SLC6A4: variants seen among roughly 807,000 people sequenced by gnomAD.
The protein encoded by SLC6A4 is sodium-dependent serotonin transporter.
In SLC6A4, 22 loss-of-function variants were observed where a neutral mutation model predicts 73.4. The observed-to-expected ratio is 0.30, with a 90% CI of 0.21 to 0.43. SLC6A4 has a LOEUF of 0.43. Among genes scored for constraint, SLC6A4 ranks in the 20% least tolerant of loss-of-function variants. The pLI, the probability that SLC6A4 is intolerant of heterozygous loss-of-function variation, is 1.00. For missense variants in SLC6A4, 593 were observed against 808.5 expected, an observed-to-expected ratio of 0.73 and a Z score of 3.23; for synonymous variants, 270 against 315.5, an observed-to-expected ratio of 0.86 and a Z score of 1.53.
Position 30,217,311 on chromosome 17 carries a change from T to G in SLC6A4, c.699-7A>C. 1 of 1,612,122 alleles carries G rather than the reference T, an allele frequency of 6.2e-7. No individual in the cohort carries two copies. The highest frequency in any genetic ancestry group is 8.5e-7 in the Non-Finnish European group (1 of 1,179,294). On this transcript the variant is annotated splice_region_variant and splice_polypyrimidine_tract_variant and intron_variant, in intron 5 of 14. Coordinates refer to ENST00000650711, the MANE Select transcript of SLC6A4 (RefSeq NM_001045.6). ...GATCTGCAGGACGTGGCGCCTGGGG[T>G]GAAGGAGAAAGAAAGGCCCCTGAGA... is the stretch of plus-strand genomic sequence containing the variant.
At chr17:30,231,500 G>A (rs762730868) in intron 1 of SLC6A4, among the ~76,000 whole-genome samples, 2 of 151,074 alleles carry the variant, frequency 1.3e-5, no homozygotes, top group Non-Finnish European at 2.9e-5. Context: ...ATATCTGTAT[G>A]TATACATACA....
chr17:30,233,370 C>A (rs1461777251), intron 1 of SLC6A4, among the ~76,000 whole-genome samples: 1 of 152,068 alleles, frequency 6.6e-6, no homozygotes, highest in Non-Finnish European at 1.5e-5. Flanking sequence ...GTTATTGGGC[C>A]CCTGTTGGTT....
At chr17:30,219,897 G>A (rs1485059769) in intron 3 of SLC6A4, among the ~76,000 whole-genome samples, 4 of 152,284 alleles carry the variant, frequency 2.6e-5, no homozygotes, top group Middle Eastern at 3.4e-3. Flanking sequence ...GGGTAAACCC[G>A]GCTCGAGAAT....
intron 13 of SLC6A4, among the ~76,000 whole-genome samples, chr17:30,204,776 TC>T: frequency 6.6e-6 from 1 of 152,144 alleles, no homozygotes; most frequent in South Asian, 2.1e-4. Context: ...CAGATTTGCC[TC>T]TCTCAGGCAC....
Position 30,212,778 on chromosome 17 carries a change from A to G in SLC6A4, c.1166T>C (p.Met389Thr). 6.2e-7 allele frequency: 1 copy of G among 1,614,124 alleles called. No individual in the cohort carries two copies. Among genetic ancestry groups the G allele is most frequent in the Non-Finnish European group, 8.5e-7 (1 of 1,180,016 alleles). Residue 389 changes from methionine (M) to threonine (T), a missense_variant, in exon 9 of 15, where the codon ATG becomes ACG. Coordinates refer to ENST00000650711, the MANE Select transcript of SLC6A4 (RefSeq NM_001045.6). ...CACCTCAGACACATCTTCATTCCTC[A>G]TCTCAGCCATGTAACCGAGCACTGT... is the stretch of plus-strand genomic sequence containing the variant. The part of the protein sequence containing the change: ...IFTVLGYMAE[M>T]RNEDVSEVAK...
intron 14 of SLC6A4, among the ~76,000 whole-genome samples, chr17:30,199,880 G>A (rs1905978702): frequency 6.6e-6 from 1 of 151,882 alleles, no homozygotes; most frequent in Admixed American, 6.6e-5. Flanking sequence ...GAACTAGACA[G>A]AGATCACTAT....
At chr17:30,202,425 G>A (rs142109889) in intron 14 of SLC6A4, among the ~76,000 whole-genome samples, 125 of 152,208 alleles carry the variant, frequency 8.2e-4, no homozygotes, top group Non-Finnish European at 1.5e-3. Context: ...GTGCCCAGCC[G>A]GAAATAAGGA....
At chr17:30,225,908 G>T (rs761186900) in intron 1 of SLC6A4, among the ~76,000 whole-genome samples, 1 of 152,138 alleles carries the variant, frequency 6.6e-6, no homozygotes, top group African/African-American at 2.4e-5. Context: ...ACTTCTGATC[G>T]AATCTCCATT....
At chr17:30,208,684 T>G (rs1233840498) in intron 12 of SLC6A4, among the ~76,000 whole-genome samples, 1 of 152,076 alleles carries the variant, frequency 6.6e-6, no homozygotes, top group Non-Finnish European at 1.5e-5. Flanking sequence ...TTATTTTTGT[T>G]TGTTTTTGGG....
Position 30,212,863 on chromosome 17 carries a change from C to T in SLC6A4, c.1081G>A (p.Ala361Thr). ...NKFNNNCYQD[A>T]LVTSVVNCMT... ...CAGTTCACCACGCTGGTCACCAGGG[C>T]ATCTCTGGAGGGGAAAACCCAAGGG... The change falls in exon 9 of 15, where the codon GCC becomes ACC. Residue 361 changes from alanine (A) to threonine (T), a missense_variant. Coordinates refer to ENST00000650711, the MANE Select transcript of SLC6A4 (RefSeq NM_001045.6). The T allele has an allele frequency of 1.9e-6, 3 of 1,614,098 alleles. No individual in the cohort carries two copies. The highest frequency in any genetic ancestry group is 2.5e-6 in the Non-Finnish European group (3 of 1,179,998).
intron 1 of SLC6A4, among the ~76,000 whole-genome samples, chr17:30,224,202 C>G (rs1169298147): frequency 6.6e-6 from 1 of 151,996 alleles, no homozygotes; most frequent in South Asian, 2.1e-4. Context: ...CCTTGCTCTT[C>G]CTCCCACTGG....
intron 14 of SLC6A4, 61 bp from the exon 15 acceptor site, chr17:30,198,591 A>T: frequency 1.1e-6 from 1 of 913,394 alleles, no homozygotes; most frequent in Non-Finnish European, 1.8e-6. Context: ...TTGCAAAAAT[A>T]GTCAACATTA....
In SLC6A4 at chr17:30,211,377, G is replaced by A; in HGVS notation, c.1252C>T (p.Pro418Ser). The change falls in exon 10 of 15, where the codon CCA (proline) becomes TCA (serine). Residue 418 changes from proline to serine, a missense_variant. Physicochemically the swap from Pro to Ser is moderately conservative, Grantham distance 74. Coordinates refer to ENST00000650711, the MANE Select transcript of SLC6A4 (RefSeq NM_001045.6). This position sits in a 1 kb window ranked among gnomAD's most constrained non-coding sequence, Gnocchi z 4.0. ...ITYAEAIANM[P>S]ASTFFAIIFF... ...ATGATGGCAAAGAAAGTGGACGCTG[G>A]CATGTTGGCTATCGCTTCTGCATAC... The A allele has an allele frequency of 6.2e-7, 1 of 1,613,786 alleles. No individual in the cohort carries two copies. Among genetic ancestry groups the A allele is most frequent in the Non-Finnish European group, 8.5e-7 (1 of 1,179,756 alleles).
intron 11 of SLC6A4, among the ~76,000 whole-genome samples, chr17:30,210,066 A>T (rs1254652991): frequency 6.7e-6 from 1 of 150,214 alleles, no homozygotes; most frequent in African/African-American, 2.5e-5. Flanking sequence ...TAGAGTATTT[A>T]CTTCAGCTAC....
At position 30,230,099 on chromosome 17, in the gene SLC6A4, G is replaced by A. The variant is rs1453965987; in HGVS notation, c.-221+5514C>T. On this transcript the variant is annotated intron_variant, in intron 1 of 14. Transcript: ENST00000650711. The stretch of plus-strand genomic sequence containing the variant: ...AGAAGAAGAAGAAGAAGAAGAAGAG[G>A]AGGAAGAGGAAGAGGAAGAGGAAGA... 3.6e-4 allele frequency among the ~76,000 whole-genome samples: 34 copies of A among 93,912 alleles called. No individual in the cohort carries two copies. In the East Asian group the frequency reaches 7.9e-3, roughly 22 times the overall value. 61.6% of individuals were successfully genotyped at this position (93,912 alleles called of 152,430 possible).
At chr17:30,212,216 A>G (rs980844214) in intron 9 of SLC6A4, among the ~76,000 whole-genome samples, 1 of 152,206 alleles carries the variant, frequency 6.6e-6, no homozygotes, top group African/African-American at 2.4e-5. Flanking sequence ...GAGCCATCAC[A>G]AGACCATCAC....
intron 12 of SLC6A4, 141 bp from the exon 13 acceptor site, chr17:30,207,973 C>T (rs1163408897): frequency 1.9e-5 from 12 of 630,386 alleles, no homozygotes; most frequent in Non-Finnish European, 3.1e-5. Context: ...GGAATTCCTA[C>T]CCCGGACACA....
At position 30,212,849 on chromosome 17, in the gene SLC6A4, G is replaced by T. The variant is rs140377388; in HGVS notation, c.1095C>A (p.Ser365Arg). ...NNCYQDALVT[S>R]VVNCMTSFVS... is the part of the protein sequence containing the mutation. ...CGAAGCTCGTCATGCAGTTCACCAC[G>T]CTGGTCACCAGGGCATCTCTGGAGG... is the stretch of plus-strand genomic sequence containing the variant. The change falls in exon 9 of 15, where the codon AGC (serine) becomes AGA (arginine). Residue 365 changes from serine (S) to arginine (R), a missense_variant. Coordinates refer to ENST00000650711, the MANE Select transcript of SLC6A4 (RefSeq NM_001045.6). The T allele has an allele frequency of 6.2e-7, 1 of 1,614,054 alleles. No individual in the cohort carries two copies. The highest frequency in any genetic ancestry group is 1.3e-5 in the African/African-American group (1 of 75,006).
At position 30,194,330 on chromosome 17, in the gene SLC6A4, A is replaced by C. The variant is rs1437482541; in HGVS notation, c.*4126T>G. Reference sequence around the variant, plus strand: ...TATTACAGTAACAGTTCACAGCATAAATCATTTATTAATATCTCACAATCT... The same window carrying C: ...TATTACAGTAACAGTTCACAGCATACATCATTTATTAATATCTCACAATCT... On this transcript the variant is annotated 3_prime_UTR_variant, in exon 15 of 15. Coordinates refer to ENST00000650711, the MANE Select transcript of SLC6A4 (RefSeq NM_001045.6). The C allele has an allele frequency of 6.6e-6, 1 of 152,154 alleles. No individual in the cohort carries two copies. Among genetic ancestry groups the C allele is most frequent in the African/African-American group, 2.4e-5 (1 of 41,438 alleles). 9.4% of individuals were successfully genotyped at this position (152,154 alleles called of 1,614,324 possible).
Sources: gnomAD v4.1 joint callset for allele counts (sites outside exome capture counted in the v4.1 genomes callset) on GRCh38, gnomAD v4.1.1 for gene constraint, Gnocchi (gnomAD v3.1) non-coding constraint, MANE v1.5 for transcripts, NCBI Gene and HGNC (gene_info 2026-07-23, HGNC 2026-07-21) for gene names.